ALDH1L2: variants seen among roughly 807,000 people sequenced by gnomAD.
The protein encoded by ALDH1L2 is aldehyde dehydrogenase 1 family member L2.
Under a neutral mutation model 111.0 loss-of-function variants are expected in ALDH1L2, and 91 were observed. The ratio of observed to expected loss-of-function variants is 0.82; its 90% CI spans 0.69 to 0.98. ALDH1L2 has a LOEUF of 0.98. Among genes scored for constraint, ALDH1L2 ranks in the 50% least tolerant of loss-of-function variants. The pLI is 0.00. For missense variants in ALDH1L2, 995 were observed against 1,126.8 expected (o/e 0.88, Z 1.67); for synonymous variants, 374 against 392.6 (o/e 0.95, Z 0.56).
chr12:105,042,466 A>G (rs996172562), intron 15 of ALDH1L2, among the ~76,000 whole-genome samples: 2 of 152,224 alleles, frequency 1.3e-5, no homozygotes, highest in Non-Finnish European at 2.9e-5. Flanking sequence ...AAGTTAGTCA[A>G]AAGTGACTTG....
At chr12:105,062,069 A>C (rs186642727) in intron 7 of ALDH1L2, among the ~76,000 whole-genome samples, 16 of 152,316 alleles carry the variant, frequency 1.1e-4, no homozygotes, top group Admixed American at 4.6e-4. Context: ...TGCTGCTGCA[A>C]CTCTGCAGCT....
chr12:105,061,591 A>G (rs1409313461), intron 8 of ALDH1L2, 36 bp downstream of exon 8: 2 of 1,609,512 alleles, frequency 1.2e-6, no homozygotes, highest in African/African-American at 1.3e-5. Context: ...TCAGTTTTCC[A>G]AGGTAACAGT....
At chr12:105,052,068 A>C (rs776692639) in intron 12 of ALDH1L2, 22 bp downstream of exon 12, 1 of 1,559,078 alleles carries the variant, frequency 6.4e-7, no homozygotes, top group African/African-American at 1.4e-5. Flanking sequence ...CTAAAAAATA[A>C]AAAAATAAAA....
At chr12:105,031,417 G>A (rs1238169571) in intron 20 of ALDH1L2, among the ~76,000 whole-genome samples, 3 of 152,134 alleles carry the variant, frequency 2.0e-5, no homozygotes, top group Admixed American at 6.5e-5. Flanking sequence ...GTGATACTGT[G>A]TATTACACGT....
intron 18 of ALDH1L2, among the ~76,000 whole-genome samples, chr12:105,035,556 G>A (rs1427419995): frequency 6.6e-6 from 1 of 152,030 alleles, no homozygotes; most frequent in East Asian, 1.9e-4. Flanking sequence ...AGGCTCAAGC[G>A]ATCCTTCTAC....
chr12:105,064,568 C>T (rs1877231629), intron 6 of ALDH1L2, among the ~76,000 whole-genome samples: 1 of 152,114 alleles, frequency 6.6e-6, no homozygotes. Context: ...AAGCCCTTGC[C>T]CCTAAGGAGT....
chr12:105,034,638 A>T (rs1400282186), intron 18 of ALDH1L2, among the ~76,000 whole-genome samples: 4 of 152,116 alleles, frequency 2.6e-5, no homozygotes, highest in East Asian at 3.8e-4. Context: ...CATTTTTTTA[A>T]AAAAATGTAT....
intron 13 of ALDH1L2, 41 bp from the exon 14 acceptor site, chr12:105,047,010 A>G (rs755545358): frequency 6.3e-7 from 1 of 1,587,430 alleles, no homozygotes; most frequent in African/African-American, 1.3e-5. Flanking sequence ...TACTAATTTA[A>G]ATAAGTAAAT....
In ALDH1L2 at chr12:105,038,241, ATCTCTCTCTC is replaced by A. The variant is rs112805543; in HGVS notation, c.2046-49_2046-40del. 2.4e-5 allele frequency: 22 copies of A among 909,720 alleles called. No individual in the cohort carries two copies. The Middle Eastern group carries it at 6.9e-4, about 28-fold the overall frequency. The allele number at this position is 909,720 out of a possible 1,614,324, so 56.4% of individuals were successfully genotyped here. A position where few individuals can be genotyped will look rare whatever the true frequency, so the allele number is the denominator to read the frequency against. On this transcript the variant is annotated intron_variant, in intron 17 of 22. Transcript: ENST00000258494. Reference sequence around the variant, plus strand: ...AATGAGAAATGAGCATTTAGTTAACATCTCTCTCTCTCTCTCTCTCACACACACACACACA... The same window carrying A: ...AATGAGAAATGAGCATTTAGTTAACATCTCTCTCTCACACACACACACACA...
intron 1 of ALDH1L2, among the ~76,000 whole-genome samples, chr12:105,083,797 C>G (rs1468757625): frequency 6.6e-6 from 1 of 152,138 alleles, no homozygotes; most frequent in African/African-American, 2.4e-5. Flanking sequence ...GAATAGTGTT[C>G]CAGCGTGGCT....
chr12:105,032,029 G>T, intron 19 of ALDH1L2, 95 bp from the exon 20 acceptor site: 3 of 1,291,590 alleles, frequency 2.3e-6, no homozygotes, highest in Non-Finnish European at 3.2e-6. Flanking sequence ...GTTTATAGAT[G>T]TATTGTCATT....
intron 21 of ALDH1L2, among the ~76,000 whole-genome samples, chr12:105,029,282 C>G (rs188489956): frequency 6.6e-6 from 1 of 152,236 alleles, no homozygotes; most frequent in African/African-American, 2.4e-5. Context: ...CCGACCTTGG[C>G]CTTGCAAAGT....
intron 12 of ALDH1L2, among the ~76,000 whole-genome samples, chr12:105,051,871 A>G (rs1483831369): frequency 4.1e-5 from 6 of 146,144 alleles, no homozygotes; most frequent in African/African-American, 1.5e-4. Flanking sequence ...TACACCCTCC[A>G]CCTCCTAGGT....
In ALDH1L2 at chr12:105,074,016, A is replaced by G. The variant is rs759191160; in HGVS notation, c.49-11T>C. 6.2e-7 allele frequency: 1 copy of G among 1,614,082 alleles called. No homozygotes were observed. The highest frequency in any genetic ancestry group is 2.2e-5 in the East Asian group (1 of 44,874). On this transcript the variant is annotated splice_polypyrimidine_tract_variant and intron_variant, in intron 1 of 22. Transcript: ENST00000258494. The stretch of plus-strand genomic sequence containing the variant: ...GTTTTTGAAATAAACCTGTGAAACA[A>G]TTCAATGACGAAGACATAAGCATGG...
chr12:105,052,985 G>T (rs937586317), intron 10 of ALDH1L2, 54 bp from the exon 11 acceptor site: 2 of 1,587,682 alleles, frequency 1.3e-6, no homozygotes, highest in African/African-American at 1.3e-5. Flanking sequence ...CCAATTTGAT[G>T]TCAAACAGCA....
rs186445001 is a variant in ALDH1L2 at position 105,049,069 on chromosome 12, C to G, written c.1686+839G>C. On this transcript the variant is annotated intron_variant, in intron 13 of 22. Transcript: ENST00000258494. ...AAAATTTTTTTTTAATTTATTTCTC[C>G]TAGGACACATATTCAAAGACAAAGT... Among the ~76,000 whole-genome samples the G allele has an allele frequency of 6.0e-4, 91 of 152,002 alleles. 1 individual carries two copies. The highest frequency in any genetic ancestry group is 2.1e-3 in the African/African-American group (87 of 41,466).
chr12:105,034,519 G>T, intron 18 of ALDH1L2, 121 bp from the exon 19 acceptor site: 1 of 769,228 alleles, frequency 1.3e-6, no homozygotes, highest in Non-Finnish European at 2.1e-6. Flanking sequence ...ATAAGTCACA[G>T]ACAATCCTCT....
At chr12:105,031,676 T>C in intron 20 of ALDH1L2, 93 bp downstream of exon 20, 1 of 1,505,114 alleles carries the variant, frequency 6.6e-7, no homozygotes, top group Non-Finnish European at 8.9e-7. Flanking sequence ...AGATGAAGTT[T>C]CACCATGTTG....
At chr12:105,028,540 C>G (rs1223968261) in intron 21 of ALDH1L2, among the ~76,000 whole-genome samples, 1 of 152,208 alleles carries the variant, frequency 6.6e-6, no homozygotes, top group Non-Finnish European at 1.5e-5. Context: ...AAGGAATTTT[C>G]AAAGGCATCT....
Sources: gnomAD v4.1 joint callset for allele counts (sites outside exome capture counted in the v4.1 genomes callset) on GRCh38, gnomAD v4.1.1 for gene constraint, MANE v1.5 for transcripts, NCBI Gene and HGNC (gene_info 2026-07-23, HGNC 2026-07-21) for gene names.